MIPEP: variants seen among roughly 807,000 people sequenced by gnomAD.
MIPEP encodes the protein mitochondrial intermediate peptidase.
MIPEP carries 79 observed loss-of-function variants against 90.3 expected under a neutral mutation model. That is an observed-to-expected ratio of 0.87 (90% confidence interval 0.73 to 1.05). MIPEP has a LOEUF of 1.05. MIPEP is among the 50% of genes least tolerant of loss of function. The probability of loss-of-function intolerance (pLI) is 0.00; values close to 1 mark genes in which losing one functional copy is unlikely to be tolerated. For missense variants in MIPEP, 940 were observed against 905.6 expected (o/e 1.04, Z -0.49); for synonymous variants, 334 against 315.8 (o/e 1.06, Z -0.61).
chr13:23,868,199 G>A (rs1870623959), intron 7 of MIPEP, among the ~76,000 whole-genome samples: 1 of 152,006 alleles, frequency 6.6e-6, no homozygotes. Context: ...TGAAAGAGGT[G>A]GGTTTTGAGC....
intron 14 of MIPEP, among the ~76,000 whole-genome samples, chr13:23,832,815 A>G (rs1868836662): frequency 6.6e-6 from 1 of 152,228 alleles, no homozygotes; most frequent in African/African-American, 2.4e-5. Context: ...TATTGATTTC[A>G]AGATTAATTT....
At chr13:23,805,466 G>A (rs550264070) in intron 16 of MIPEP, among the ~76,000 whole-genome samples, 4 of 152,270 alleles carry the variant, frequency 2.6e-5, no homozygotes, top group African/African-American at 9.6e-5. Flanking sequence ...GATAGAGTCT[G>A]GCGCCTAGAA....
At chr13:23,757,342 C>T (rs1377167457) in intron 17 of MIPEP, among the ~76,000 whole-genome samples, 1 of 152,242 alleles carries the variant, frequency 6.6e-6, no homozygotes, top group Admixed American at 6.5e-5. Context: ...ACAGATGAAG[C>T]TTCACTTGCT....
chr13:23,872,556 GTCTC>G (rs1870864540), intron 5 of MIPEP, among the ~76,000 whole-genome samples: 1 of 152,162 alleles, frequency 6.6e-6, no homozygotes, highest in African/African-American at 2.4e-5. Flanking sequence ...TTATTTCATG[GTCTC>G]TCTTTTGAAA....
chr13:23,752,617 G>A (rs1952453240), intron 18 of MIPEP, among the ~76,000 whole-genome samples: 1 of 152,154 alleles, frequency 6.6e-6, no homozygotes, highest in South Asian at 2.1e-4. Context: ...ACTCAGAAAT[G>A]TGATTTAACA....
chr13:23,839,372 C>T (rs1225879156), intron 12 of MIPEP, among the ~76,000 whole-genome samples: 1 of 152,160 alleles, frequency 6.6e-6, no homozygotes, highest in Non-Finnish European at 1.5e-5. Context: ...GCTCAGTGCA[C>T]TGTTTGGCAC....
intron 17 of MIPEP, among the ~76,000 whole-genome samples, chr13:23,759,544 T>C (rs757280822): frequency 3.3e-5 from 5 of 151,150 alleles, no homozygotes; most frequent in South Asian, 2.1e-4. Context: ...AGCCACAGCA[T>C]AGAATCCCTC....
intron 17 of MIPEP, among the ~76,000 whole-genome samples, chr13:23,758,413 T>C (rs1952508208): frequency 2.0e-5 from 3 of 152,206 alleles, no homozygotes; most frequent in Admixed American, 2.0e-4. Flanking sequence ...CCCATAAAAG[T>C]ATGGCAACTA....
chr13:23,787,268 G>T (rs754626858), intron 16 of MIPEP, among the ~76,000 whole-genome samples: 8 of 152,230 alleles, frequency 5.3e-5, no homozygotes, highest in Non-Finnish European at 1.2e-4. Context: ...TGGAGGCTGG[G>T]AAGTGCAAGA....
chr13:23,826,338 G>A (rs541044442), intron 14 of MIPEP, among the ~76,000 whole-genome samples: 65 of 152,180 alleles, frequency 4.3e-4, no homozygotes, highest in African/African-American at 1.5e-3. Flanking sequence ...TACCAGACTA[G>A]TATGAAACCG....
chr13:23,819,253 G>C (rs1041346813), intron 14 of MIPEP, among the ~76,000 whole-genome samples: 2 of 152,174 alleles, frequency 1.3e-5, no homozygotes, highest in Non-Finnish European at 2.9e-5. Context: ...TCAAACCAAA[G>C]TTTTAGAGAA....
intron 14 of MIPEP, among the ~76,000 whole-genome samples, chr13:23,825,546 C>T (rs1472381410): frequency 6.6e-6 from 1 of 152,142 alleles, no homozygotes; most frequent in African/African-American, 2.4e-5. Flanking sequence ...ATGGGGCTTC[C>T]ATTTTATGAG....
intron 16 of MIPEP, among the ~76,000 whole-genome samples, chr13:23,805,084 C>T (rs1953092951): frequency 6.6e-6 from 1 of 152,192 alleles, no homozygotes; most frequent in African/African-American, 2.4e-5. Context: ...ACCCCTATAC[C>T]CCTGCACCTT....
At chr13:23,750,144 G>C (rs73453379) in intron 18 of MIPEP, among the ~76,000 whole-genome samples, 2,621 of 152,248 alleles carry the variant, frequency 0.017, 90 homozygotes, top group African/African-American at 0.06. Flanking sequence ...ATGGAGTCAA[G>C]AGAGTTCCTC....
chr13:23,742,418 T>TG (rs1952340992), intron 18 of MIPEP, among the ~76,000 whole-genome samples: 1 of 152,186 alleles, frequency 6.6e-6, no homozygotes, highest in Admixed American at 6.5e-5. Flanking sequence ...AGTAAAATGT[T>TG]GGAGTTTAGT....
chr13:23,747,607 T>A (rs761683289), intron 18 of MIPEP: 25 of 478,322 alleles, frequency 5.2e-5, no homozygotes, highest in African/African-American at 1.2e-4. Context: ...GGCTATATAT[T>A]TTTTTTCTTT....
At chr13:23,887,337 A>C (rs1871539878) in intron 1 of MIPEP, among the ~76,000 whole-genome samples, 1 of 152,228 alleles carries the variant, frequency 6.6e-6, no homozygotes, top group Non-Finnish European at 1.5e-5. Context: ...GCATACCATG[A>C]AGTGTGCCTG....
intron 16 of MIPEP, chr13:23,760,599 G>T: frequency 5.6e-6 from 3 of 533,722 alleles, no homozygotes; most frequent in South Asian, 4.3e-5. Context: ...CTGTCTGCAA[G>T]CCAAAGAGGC....
intron 16 of MIPEP, among the ~76,000 whole-genome samples, chr13:23,786,077 A>C (rs1321115341): frequency 6.6e-6 from 1 of 152,128 alleles, no homozygotes; most frequent in African/African-American, 2.4e-5. Flanking sequence ...ATAAAAAAAA[A>C]TTAACCAGGC....
Sources: allele counts gnomAD v4.1 joint callset (sites outside exome capture counted in the v4.1 genomes callset), GRCh38; gene constraint gnomAD v4.1.1; transcripts MANE v1.5; gene names NCBI Gene and HGNC (gene_info 2026-07-23, HGNC 2026-07-21).